Variants in RBFOX1 observed in about 807,000 individuals in gnomAD.
RBFOX1 encodes the protein RNA binding protein fox-1 homolog 1.
RBFOX1 carries 8 observed loss-of-function variants against 57.7 expected under a neutral mutation model. That is an observed-to-expected ratio of 0.14 (90% CI 0.08 to 0.25). The LOEUF (loss-of-function observed/expected upper bound fraction) is 0.25. Among genes scored for constraint, RBFOX1 ranks in the 10% least tolerant of loss-of-function variants. The pLI is 1.00. For synonymous variants in RBFOX1, 326 were observed against 222.4 expected (o/e 1.47, Z -4.15); for missense variants, 611 against 548.5 (o/e 1.11, Z -1.14).
At chr16:5,942,090 G>C (rs912767514) in intron 4 of RBFOX1, among the ~76,000 whole-genome samples, 3 of 152,102 alleles carry the variant, frequency 2.0e-5, no homozygotes, top group Admixed American at 6.6e-5. Context: ...TAACCACCCA[G>C]TGGGTTCTTC....
At chr16:7,371,386 T>C (rs1025411509) in intron 4 of RBFOX1, among the ~76,000 whole-genome samples, 1 of 152,152 alleles carries the variant, frequency 6.6e-6, no homozygotes, top group African/African-American at 2.4e-5. Flanking sequence ...CTCCAAATCT[T>C]GGATCTTACT....
chr16:7,596,137 A>G (rs1392768061), intron 8 of RBFOX1, among the ~76,000 whole-genome samples: 8 of 2,296 alleles, frequency 3.5e-3, no homozygotes, highest in African/African-American at 7.8e-3. Context: ...AAAAAAAAAC[A>G]AAAAAAAAAA....
rs1250657024 is a variant in RBFOX1 at position 5,867,470 on chromosome 16, T to C, written c.351+135T>C. On this transcript the variant is annotated intron_variant, in intron 4 of 19. Transcript: ENST00000641259. ...GGTGGCTTGGATGGTGTGTTTTCAGTTGAGTGGTTTCTGTGCTGCTGGGTT... is the reference window on the plus strand; with the variant it reads ...GGTGGCTTGGATGGTGTGTTTTCAGCTGAGTGGTTTCTGTGCTGCTGGGTT... 6.8e-6 allele frequency: 4 copies of C among 592,582 alleles called. No individual in the cohort carries two copies. The African/African-American group carries it at 7.7e-5, about 11-fold the overall frequency. The allele number at this position is 592,582 out of a possible 1,614,324, so 36.7% of individuals were successfully genotyped here.
At chr16:6,694,398 A>G (rs1477919543) in intron 3 of RBFOX1, among the ~76,000 whole-genome samples, 1 of 152,214 alleles carries the variant, frequency 6.6e-6, no homozygotes, top group Non-Finnish European at 1.5e-5. Flanking sequence ...TCCACTATAA[A>G]CACAAGAAGA....
At position 5,283,436 on chromosome 16, in the gene RBFOX1, A is replaced by G. The variant is rs552851983; in HGVS notation, c.219+43331A>G. ...TGCCTGGAAAAGCTGCAAACACTCA[A>G]TGCCAACCAGTGAAAGGAGCCCCTC... On this transcript the variant is annotated intron_variant, in intron 1 of 2. Transcript: ENST00000585867. Among the ~76,000 whole-genome samples the G allele has an allele frequency of 8.5e-5, 13 of 152,172 alleles. No homozygotes were observed. The South Asian group carries it at 1.0e-3, about 12-fold the overall frequency.
chr16:6,840,305 G>T (rs1047571758), intron 3 of RBFOX1, among the ~76,000 whole-genome samples: 1 of 152,060 alleles, frequency 6.6e-6, no homozygotes, highest in Non-Finnish European at 1.5e-5. Flanking sequence ...GCAACTTTAG[G>T]GTGTAAGGGG....
At chr16:7,332,895 A>T in intron 4 of RBFOX1, 1 of 1,575,076 alleles carries the variant, frequency 6.3e-7, no homozygotes, top group South Asian at 1.2e-5. Flanking sequence ...GACAGAAGGG[A>T]TTTGGCTCCC....
At chr16:6,116,482 A>G (rs1479252932) in intron 1 of RBFOX1, among the ~76,000 whole-genome samples, 1 of 152,222 alleles carries the variant, frequency 6.6e-6, no homozygotes, top group African/African-American at 2.4e-5. Context: ...GGAAGATACT[A>G]CCATGCATTG....
intron 14 of RBFOX1, among the ~76,000 whole-genome samples, chr16:7,687,963 G>T (rs2076421221): frequency 6.6e-6 from 1 of 152,024 alleles, no homozygotes; most frequent in Admixed American, 6.6e-5. Flanking sequence ...CAAGTTAAAT[G>T]ACCGGGGTGT....
Position 6,007,353 on chromosome 16 carries a change from C to G in RBFOX1, c.351+140018C>G, listed in dbSNP as rs775727351. On this transcript the variant is annotated intron_variant, in intron 4 of 19. Coordinates refer to the RBFOX1 transcript ENST00000641259. ...CTGCCCACTGGAGATACTAACATGA[C>G]AAGGCACTGAGGGTGACCAGTAGCC... 5.8e-4 allele frequency among the ~76,000 whole-genome samples: 89 copies of G among 152,220 alleles called. 1 individual carries two copies. Among genetic ancestry groups the G allele is most frequent in the Non-Finnish European group, 1.3e-4 (9 of 68,042 alleles).
At chr16:5,569,926 G>C (rs942590100) in intron 2 of RBFOX1, among the ~76,000 whole-genome samples, 2 of 152,150 alleles carry the variant, frequency 1.3e-5, no homozygotes, top group Non-Finnish European at 2.9e-5. Context: ...CAGTCATATT[G>C]CAGATATCAT....
chr16:7,522,987 C>T (rs1387305076), intron 5 of RBFOX1, among the ~76,000 whole-genome samples: 4 of 150,300 alleles, frequency 2.7e-5, no homozygotes, highest in Non-Finnish European at 5.9e-5. Flanking sequence ...TTTGATCCTC[C>T]CCTCCTCCTC....
At chr16:7,239,703 G>C (rs1440697676) in intron 4 of RBFOX1, among the ~76,000 whole-genome samples, 3 of 152,136 alleles carry the variant, frequency 2.0e-5, no homozygotes, top group African/African-American at 7.2e-5. Context: ...CTGGGTCTTT[G>C]ATCTAGGCAG....
intron 4 of RBFOX1, among the ~76,000 whole-genome samples, chr16:7,200,666 C>G (rs13330876): frequency 0.045 from 6,805 of 152,206 alleles, 486 homozygotes; most frequent in African/African-American, 0.16. Context: ...TTCACTTAGT[C>G]AGAGTCAGTA....
chr16:5,845,476 C>G (rs949344415), intron 3 of RBFOX1, among the ~76,000 whole-genome samples: 1 of 152,134 alleles, frequency 6.6e-6, no homozygotes, highest in African/African-American at 2.4e-5. Context: ...CTCATCCAAC[C>G]CAGCTGTTTG....
intron 2 of RBFOX1, among the ~76,000 whole-genome samples, chr16:5,472,931 A>T (rs9939015): frequency 0.014 from 2,111 of 152,266 alleles, 51 homozygotes; most frequent in African/African-American, 0.048. Flanking sequence ...TTCCTGCTCA[A>T]AGTCCCAAGG....
intron 3 of RBFOX1, among the ~76,000 whole-genome samples, chr16:6,714,241 G>T (rs776059291): frequency 4.6e-5 from 7 of 152,138 alleles, no homozygotes; most frequent in Non-Finnish European, 8.8e-5. Flanking sequence ...ATGCAGAACT[G>T]TGAGTCAATT....
At chr16:7,166,173 C>G (rs1421448164) in intron 4 of RBFOX1, among the ~76,000 whole-genome samples, 1 of 152,032 alleles carries the variant, frequency 6.6e-6, no homozygotes. Flanking sequence ...GCCAGCACAC[C>G]CAGCTAATTT....
intron 2 of RBFOX1, among the ~76,000 whole-genome samples, chr16:6,540,124 T>C (rs541200470): frequency 2.6e-4 from 39 of 152,294 alleles, no homozygotes; most frequent in Middle Eastern, 6.8e-3. Flanking sequence ...CCCATGTTTT[T>C]AGCATAATGA....
Sources: allele counts gnomAD v4.1 joint callset (sites outside exome capture counted in the v4.1 genomes callset), GRCh38; gene constraint gnomAD v4.1.1; transcripts MANE v1.5; gene names NCBI Gene and HGNC (gene_info 2026-07-23, HGNC 2026-07-21).